Variants in TENT5D observed in about 807,000 individuals in gnomAD.
TENT5D encodes the protein cancer/testis antigen 112.
For missense variants in TENT5D, 191 were observed against 287.0 expected (o/e 0.67, Z 2.42); for synonymous variants, 103 against 100.6 (o/e 1.02, Z -0.15).
intron 3 of TENT5D, among the ~76,000 whole-genome samples, chrX:80,402,412 ATATT>A (rs1186640984): frequency 1.8e-5 from 2 of 110,711 alleles, no homozygotes; most frequent in Non-Finnish European, 3.8e-5. Flanking sequence ...TTCTTCTCTG[ATATT>A]TATTATTTTT....
chrX:80,348,111 A>G (rs1280379236), intron 3 of TENT5D, among the ~76,000 whole-genome samples: 1 of 111,992 alleles, frequency 8.9e-6, no homozygotes, highest in South Asian at 3.7e-4. Flanking sequence ...AGGTAGCATG[A>G]TGCCTATAGC....
chrX:80,335,590 GTTCT>G (rs1198832247), intron 1 of TENT5D: 2 of 111,958 alleles, frequency 1.8e-5, no homozygotes, highest in Non-Finnish European at 3.8e-5. Flanking sequence ...CAACCTTCTA[GTTCT>G]TTCTTTTGTC....
At chrX:80,384,236 G>T (rs772520383) in intron 3 of TENT5D, among the ~76,000 whole-genome samples, 17 of 98,686 alleles carry the variant, frequency 1.7e-4, no homozygotes, top group African/African-American at 6.3e-4. Flanking sequence ...ATGATCAAGT[G>T]GGCTTCATCC....
intron 3 of TENT5D, among the ~76,000 whole-genome samples, chrX:80,410,850 T>A (rs1439362249): frequency 9.4e-6 from 1 of 106,762 alleles, no homozygotes; most frequent in Non-Finnish European, 1.9e-5. Flanking sequence ...AACCCAAATG[T>A]CCAACAATGA....
intron 2 of TENT5D, among the ~76,000 whole-genome samples, chrX:80,440,593 T>A (rs6652404): frequency 0.11 from 11,824 of 110,277 alleles, 681 homozygotes; most frequent in African/African-American, 0.22. Context: ...TATTTTCAGA[T>A]CATAGATGAT....
intron 3 of TENT5D, among the ~76,000 whole-genome samples, chrX:80,345,474 G>A (rs1014413020): frequency 4.5e-5 from 5 of 111,183 alleles, no homozygotes; most frequent in African/African-American, 1.6e-4. Flanking sequence ...TTCATCACCT[G>A]GGGTCACAAT....
chrX:80,347,450 G>T (rs1409874655), intron 3 of TENT5D, among the ~76,000 whole-genome samples: 1 of 111,939 alleles, frequency 8.9e-6, no homozygotes, highest in African/African-American at 3.2e-5. Context: ...CTTTTTTTAT[G>T]TTTGTTAGCC....
At chrX:80,440,061 G>T (rs1478180419) in intron 2 of TENT5D, among the ~76,000 whole-genome samples, 2 of 111,316 alleles carry the variant, frequency 1.8e-5, no homozygotes, top group East Asian at 2.8e-4. Flanking sequence ...TGTTGCTCAC[G>T]CAAGGACACC....
chrX:80,381,451 C>T (rs1045220926), intron 3 of TENT5D, among the ~76,000 whole-genome samples: 6 of 110,763 alleles, frequency 5.4e-5, no homozygotes, highest in African/African-American at 2.0e-4. Flanking sequence ...TTGCTTTTCT[C>T]GAGGAGTATC....
chrX:80,428,236 C>A (rs12689729), intron 1 of TENT5D, among the ~76,000 whole-genome samples: 14,516 of 111,052 alleles, frequency 0.13, 1,026 homozygotes, highest in East Asian at 0.48. Context: ...AGCAGCAAAG[C>A]TTGATATTTG....
intron 3 of TENT5D, among the ~76,000 whole-genome samples, chrX:80,364,952 C>T (rs1411388023): frequency 9.2e-6 from 1 of 108,759 alleles, no homozygotes; most frequent in African/African-American, 3.3e-5. Flanking sequence ...ATAGCAAGGT[C>T]CTCCCTCATT....
At chrX:80,406,213 G>A (rs1931490685) in intron 3 of TENT5D, among the ~76,000 whole-genome samples, 1 of 112,390 alleles carries the variant, frequency 8.9e-6, no homozygotes, top group East Asian at 2.8e-4. Context: ...CCAAAGGAAC[G>A]CAGTTCCTCA....
chrX:80,386,107 T>G (rs901797508), intron 3 of TENT5D, among the ~76,000 whole-genome samples: 3 of 112,261 alleles, frequency 2.7e-5, no homozygotes, highest in African/African-American at 9.7e-5. Flanking sequence ...CATGCTGCTA[T>G]AAAGACACAT....
chrX:80,416,725 TTGTG>T (rs1310559429), upstream of TENT5D, among the ~76,000 whole-genome samples: 2 of 110,816 alleles, frequency 1.8e-5, no homozygotes, highest in South Asian at 7.6e-4. Context: ...TTTTGGCTGA[TTGTG>T]TGGTCAATTT....
intron 3 of TENT5D, among the ~76,000 whole-genome samples, chrX:80,367,879 T>C (rs1463449672): frequency 1.8e-5 from 2 of 111,398 alleles, no homozygotes; most frequent in Admixed American, 9.6e-5. Flanking sequence ...GAAGTAGTGA[T>C]GGTTAATAGG....
intron 2 of TENT5D, among the ~76,000 whole-genome samples, chrX:80,439,288 T>C (rs760064986): frequency 1.8e-5 from 2 of 111,668 alleles, no homozygotes; most frequent in South Asian, 3.7e-4. Flanking sequence ...AAACACACTT[T>C]CAGTAAATAA....
chrX:80,408,988 A>T (rs1195953634), intron 3 of TENT5D, among the ~76,000 whole-genome samples: 1 of 111,360 alleles, frequency 9.0e-6, no homozygotes, highest in African/African-American at 3.3e-5. Context: ...ACAGAGCCAA[A>T]GACAAAAACC....
chrX:80,419,915 A>G (rs936702215), upstream of TENT5D, among the ~76,000 whole-genome samples: 10 of 111,366 alleles, frequency 9.0e-5, no homozygotes, highest in African/African-American at 3.3e-4. Context: ...AAGTCTCTCT[A>G]TCTTGCCCAG....
chrX:80,391,252 T>G (rs951531933), intron 3 of TENT5D, among the ~76,000 whole-genome samples: 1 of 111,579 alleles, frequency 9.0e-6, no homozygotes, highest in African/African-American at 3.3e-5. Context: ...AAATACATAG[T>G]TACAAAAGGG....
Sources: gnomAD v4.1 joint callset for allele counts (sites outside exome capture counted in the v4.1 genomes callset) on GRCh38, gnomAD v4.1.1 for gene constraint, MANE v1.5 for transcripts, NCBI Gene and HGNC (gene_info 2026-07-23, HGNC 2026-07-21) for gene names.